The following WWTR1 variants were observed in gnomAD, a reference collection of about 807,000 sequenced individuals.
WWTR1 encodes the protein WW domain containing transcription regulator 1.
Under a neutral mutation model 40.1 loss-of-function variants are expected in WWTR1, and 13 were observed. That is an observed-to-expected ratio of 0.32 (90% CI 0.21 to 0.52). The LOEUF is 0.52. Among genes scored for constraint, WWTR1 ranks in the 20% least tolerant of loss-of-function variants. The probability of loss-of-function intolerance (pLI) is 0.97; values close to 1 mark genes in which losing one functional copy is unlikely to be tolerated. For missense variants in WWTR1, 436 were observed against 523.1 expected (o/e 0.83, Z 1.63); for synonymous variants, 230 against 210.1 (o/e 1.09, Z -0.82).
At chr3:149,600,488 G>A (rs1301345579) in intron 2 of WWTR1, among the ~76,000 whole-genome samples, 5 of 152,110 alleles carry the variant, frequency 3.3e-5, no homozygotes, top group Non-Finnish European at 7.4e-5. Context: ...CTCAAGCTGG[G>A]ACCTCAGTCC....
intron 5 of WWTR1, among the ~76,000 whole-genome samples, chr3:149,527,422 T>C (rs6797672): frequency 0.8 from 122,227 of 152,042 alleles, 49,237 homozygotes; most frequent in South Asian, 0.87. Context: ...GCTGGGATTA[T>C]AGGCATGAGC....
intron 2 of WWTR1, chr3:149,669,701 GAT>G (rs1276700387): frequency 6.6e-6 from 1 of 151,998 alleles, no homozygotes; most frequent in African/African-American, 2.4e-5. Context: ...GGCCAACAAT[GAT>G]ATCTATATTT....
intron 4 of WWTR1, among the ~76,000 whole-genome samples, chr3:149,537,152 T>G (rs1406761241): frequency 6.6e-6 from 1 of 152,158 alleles, no homozygotes; most frequent in Non-Finnish European, 1.5e-5. Flanking sequence ...TTGCGTTGAA[T>G]TTTTCAGTTG....
chr3:149,562,932 G>A (rs1378283647), intron 3 of WWTR1, among the ~76,000 whole-genome samples: 2 of 152,216 alleles, frequency 1.3e-5, no homozygotes, highest in East Asian at 1.9e-4. Flanking sequence ...GGACGCCAAA[G>A]AGGAGATCAA....
intron 2 of WWTR1, among the ~76,000 whole-genome samples, chr3:149,645,931 T>C (rs1407560542): frequency 6.6e-6 from 1 of 152,220 alleles, no homozygotes; most frequent in Non-Finnish European, 1.5e-5. Context: ...TTGTACAGTG[T>C]TCAGAATTGA....
At chr3:149,546,608 CT>C (rs1319772014) in intron 3 of WWTR1, among the ~76,000 whole-genome samples, 1 of 152,188 alleles carries the variant, frequency 6.6e-6, no homozygotes, top group Non-Finnish European at 1.5e-5. Flanking sequence ...GGAGATCTTC[CT>C]TTTCCTTTTC....
rs1435247137 is a variant in WWTR1 at position 149,527,971 on chromosome 3, T to C, written c.772-2A>G. On this transcript the variant is annotated splice_acceptor_variant, in intron 4 of 6. Coordinates refer to ENST00000360632, the MANE Select transcript of WWTR1 (RefSeq NM_015472.6). LOFTEE classifies it high-confidence loss of function. ...GAGCTGTCGACAGAGGGCAGCTTCC[T>C]ACAGTCAGAATGGGAAGCAAGAGTC... 8 of 1,613,310 alleles carry C rather than the reference T, an allele frequency of 5.0e-6. No homozygotes were observed. Among genetic ancestry groups the C allele is most frequent in the Non-Finnish European group, 5.9e-6 (7 of 1,179,670 alleles).
chr3:149,643,899 CCT>C (rs1712335455), intron 2 of WWTR1, among the ~76,000 whole-genome samples: 1 of 152,062 alleles, frequency 6.6e-6, no homozygotes. Context: ...TTTCCTCCTA[CCT>C]CTCTTTCTCT....
At chr3:149,646,158 C>T (rs72615634) in intron 2 of WWTR1, among the ~76,000 whole-genome samples, 1,556 of 152,186 alleles carry the variant, frequency 0.01, 19 homozygotes, top group East Asian at 0.037. Flanking sequence ...AAAAATAAAA[C>T]GATAGGTAAG....
chr3:149,561,395 T>C (rs375792811), intron 3 of WWTR1, among the ~76,000 whole-genome samples: 20 of 152,316 alleles, frequency 1.3e-4, no homozygotes, highest in African/African-American at 4.8e-4. Context: ...AGTTTAATCA[T>C]AGATATTATT....
At chr3:149,647,819 A>G (rs751839848) in intron 2 of WWTR1, among the ~76,000 whole-genome samples, 5 of 152,212 alleles carry the variant, frequency 3.3e-5, no homozygotes, top group Non-Finnish European at 7.3e-5. Context: ...TACAGTCACA[A>G]AAAGCTAGGA....
At chr3:149,582,237 A>G (rs986219975) in intron 2 of WWTR1, among the ~76,000 whole-genome samples, 9 of 152,028 alleles carry the variant, frequency 5.9e-5, no homozygotes, top group African/African-American at 2.2e-4. Flanking sequence ...AACTGAGCAA[A>G]ATTCTTGCTT....
At chr3:149,677,627 G>C (rs1372296635) in intron 1 of WWTR1, among the ~76,000 whole-genome samples, 1 of 152,150 alleles carries the variant, frequency 6.6e-6, no homozygotes, top group East Asian at 1.9e-4. Context: ...GATCAACTGA[G>C]GTCAGCAGTT....
intron 4 of WWTR1, among the ~76,000 whole-genome samples, chr3:149,531,637 G>T (rs1207048988): frequency 5.3e-5 from 8 of 151,850 alleles, no homozygotes; most frequent in Non-Finnish European, 8.8e-5. Context: ...CTCACTTAAC[G>T]CCTGCCTCCT....
intron 2 of WWTR1, among the ~76,000 whole-genome samples, chr3:149,633,778 G>A (rs1157834275): frequency 6.6e-6 from 1 of 152,126 alleles, no homozygotes; most frequent in Admixed American, 6.5e-5. Context: ...GGGTGCTCCA[G>A]GGAAGGGGTA....
At chr3:149,692,588 G>C (rs548603522) in intron 1 of WWTR1, among the ~76,000 whole-genome samples, 12 of 152,046 alleles carry the variant, frequency 7.9e-5, no homozygotes, top group Admixed American at 1.3e-4. Context: ...CTAAGATTGG[G>C]AATACAACAA....
At chr3:149,613,797 C>T (rs1739845716) in intron 2 of WWTR1, among the ~76,000 whole-genome samples, 1 of 152,136 alleles carries the variant, frequency 6.6e-6, no homozygotes, top group East Asian at 1.9e-4. Flanking sequence ...CTGCCTGCCT[C>T]CACCTTTCAA....
At chr3:149,677,051 G>A (rs1162104873) in intron 1 of WWTR1, among the ~76,000 whole-genome samples, 1 of 151,824 alleles carries the variant, frequency 6.6e-6, no homozygotes, top group Non-Finnish European at 1.5e-5. Context: ...GGAGTAGCTG[G>A]CATTACAGGC....
intron 1 of WWTR1, among the ~76,000 whole-genome samples, chr3:149,677,652 C>T (rs1000257244): frequency 6.6e-6 from 1 of 152,096 alleles, no homozygotes; most frequent in African/African-American, 2.4e-5. Flanking sequence ...ACCAGCCAGG[C>T]CAACATGGTG....
Sources: allele counts gnomAD v4.1 joint callset (sites outside exome capture counted in the v4.1 genomes callset), GRCh38; gene constraint gnomAD v4.1.1; transcripts MANE v1.5; gene names NCBI Gene and HGNC (gene_info 2026-07-23, HGNC 2026-07-21).